Variants in NCKAP5 observed in about 807,000 individuals in gnomAD.
NCKAP5 encodes NCK associated protein 5, also known as nck-associated protein 5.
NCKAP5 carries 92 observed loss-of-function variants against 167.0 expected under a neutral mutation model. The observed-to-expected ratio is 0.55, with a 90% CI of 0.47 to 0.66. The LOEUF is 0.66. Among genes scored for constraint, NCKAP5 ranks in the 30% least tolerant of loss-of-function variants. The pLI, the probability that NCKAP5 is intolerant of heterozygous loss-of-function variation, is 0.00. For missense variants in NCKAP5, 2,378 were observed against 2,315.0 expected (o/e 1.03, Z -0.56); for synonymous variants, 891 against 877.4 (o/e 1.02, Z -0.27).
At chr2:133,341,549 T>A (rs570246690) in intron 3 of NCKAP5, among the ~76,000 whole-genome samples, 11 of 152,328 alleles carry the variant, frequency 7.2e-5, no homozygotes, top group Non-Finnish European at 1.5e-4. Context: ...GATATCAAGC[T>A]CAGTGAGTAC....
At chr2:133,423,771 A>C in intron 3 of NCKAP5, among the ~76,000 whole-genome samples, 1 of 152,252 alleles carries the variant, frequency 6.6e-6, no homozygotes, top group East Asian at 1.9e-4. Flanking sequence ...TAACTAGCAA[A>C]TACAACTAAC....
rs79241579 is a variant in NCKAP5 at position 132,847,793 on chromosome 2, G to A, written c.807+12699C>T. On this transcript the variant is annotated intron_variant, in intron 11 of 19. Transcript: ENST00000409261. ...GAAGCAAAATGAGCCAGATACAAAAGAGTATATCTTACATGATTTTGTTTA... is the reference window on the plus strand; with the variant it reads ...GAAGCAAAATGAGCCAGATACAAAAAAGTATATCTTACATGATTTTGTTTA... Among the ~76,000 whole-genome samples, 189 of 152,286 alleles carry A rather than the reference G, an allele frequency of 1.2e-3. 5 individuals are homozygous for A. In the East Asian group the frequency reaches 0.033, roughly 26 times the overall value.
chr2:133,127,839 C>A (rs535380792), intron 6 of NCKAP5, among the ~76,000 whole-genome samples: 2 of 152,058 alleles, frequency 1.3e-5, no homozygotes, highest in African/African-American at 4.8e-5. Context: ...AATGAAAAAT[C>A]GAGCATAAGG....
At chr2:133,099,951 C>T (rs1272606920) in intron 6 of NCKAP5, among the ~76,000 whole-genome samples, 4 of 152,176 alleles carry the variant, frequency 2.6e-5, no homozygotes, top group Non-Finnish European at 4.4e-5. Context: ...CAATGATCTA[C>T]GGCCCACTAG....
the NCKAP5 span, among the ~76,000 whole-genome samples, chr2:133,660,182 C>T: frequency 2.0e-5 from 3 of 152,188 alleles, no homozygotes; most frequent in African/African-American, 4.8e-5. Context: ...TGGTTCTTCC[C>T]TCCCTCGCCT....
chr2:132,711,943 T>C (rs1165084526), intron 19 of NCKAP5, among the ~76,000 whole-genome samples: 1 of 152,102 alleles, frequency 6.6e-6, no homozygotes, highest in Admixed American at 6.5e-5. Context: ...TAAGCAGAAA[T>C]AAAGAGGCAA....
intron 16 of NCKAP5, among the ~76,000 whole-genome samples, chr2:132,733,451 C>A (rs899931575): frequency 6.6e-6 from 1 of 152,148 alleles, no homozygotes; most frequent in Admixed American, 6.5e-5. Flanking sequence ...ATTGTTTCAA[C>A]CCCTGTGCAA....
At chr2:132,946,914 T>A (rs1239578335) in intron 8 of NCKAP5, among the ~76,000 whole-genome samples, 1 of 152,128 alleles carries the variant, frequency 6.6e-6, no homozygotes, top group Non-Finnish European at 1.5e-5. Context: ...AAAAAGTTTG[T>A]ATATGAAGCC....
intron 12 of NCKAP5, among the ~76,000 whole-genome samples, chr2:132,794,147 C>G (rs373475401): frequency 6.7e-6 from 1 of 148,546 alleles, no homozygotes; most frequent in East Asian, 2.0e-4. Flanking sequence ...ATTGTGAAGA[C>G]TGAACAGCCC....
At chr2:133,112,102 A>G (rs16856818) in intron 6 of NCKAP5, among the ~76,000 whole-genome samples, 26,394 of 152,146 alleles carry the variant, frequency 0.17, 2,709 homozygotes, top group East Asian at 0.51. Flanking sequence ...GAAACTTTAC[A>G]ATTGGAAAAA....
At chr2:133,036,308 T>C (rs2079039787) in intron 6 of NCKAP5, among the ~76,000 whole-genome samples, 1 of 151,928 alleles carries the variant, frequency 6.6e-6, no homozygotes, top group Non-Finnish European at 1.5e-5. Flanking sequence ...AGGGATTACT[T>C]CCAAACTCAT....
intron 6 of NCKAP5, among the ~76,000 whole-genome samples, chr2:133,089,318 TA>T (rs2081095878): frequency 6.6e-6 from 1 of 152,232 alleles, no homozygotes; most frequent in African/African-American, 2.4e-5. Flanking sequence ...GAAATATTTT[TA>T]AAACAAGCTT....
Position 133,047,042 on chromosome 2 carries a change from G to T in NCKAP5, c.342-52803C>A, listed in dbSNP as rs184006173. 4.6e-5 allele frequency among the ~76,000 whole-genome samples: 7 copies of T among 152,254 alleles called. No individual in the cohort carries two copies. The East Asian group carries it at 1.4e-3, about 29-fold the overall frequency. On this transcript the variant is annotated intron_variant, in intron 6 of 19. Transcript: ENST00000409261. ...GCCCTTGTTTCCTTCTTTGATCACAGAAACCCACTTAAAGAGCACTATTCC... is the reference window on the plus strand; with the variant it reads ...GCCCTTGTTTCCTTCTTTGATCACATAAACCCACTTAAAGAGCACTATTCC...
chr2:132,756,463 T>C (rs1217022320), intron 16 of NCKAP5, among the ~76,000 whole-genome samples: 1 of 152,044 alleles, frequency 6.6e-6, no homozygotes, highest in Admixed American at 6.6e-5. Flanking sequence ...AGATGAAGCA[T>C]TTTGACAGAA....
Position 133,087,930 on chromosome 2 carries a change from C to T in NCKAP5, c.341+42048G>A, listed in dbSNP as rs541419452. Among the ~76,000 whole-genome samples, 16 of 152,234 alleles carry T rather than the reference C, an allele frequency of 1.1e-4. 1 individual carries two copies. Among genetic ancestry groups the T allele is most frequent in the South Asian group, 8.3e-4 (4 of 4,812 alleles). ...AAAACAGGTATGATCTCCTTCTTTACGGAGCTGCCATTCTAGTGGGAGAGA... is the reference window on the plus strand; with the variant it reads ...AAAACAGGTATGATCTCCTTCTTTATGGAGCTGCCATTCTAGTGGGAGAGA... On this transcript the variant is annotated intron_variant, in intron 6 of 19. Coordinates refer to ENST00000409261, the MANE Select transcript of NCKAP5 (RefSeq NM_207363.3).
chr2:132,671,834 CAA>C lies in NCKAP5; in HGVS notation c.*1453_*1454del, dbSNP rs1312527129. The C allele has an allele frequency of 2.0e-5, 3 of 152,510 alleles. No homozygotes were observed. Among genetic ancestry groups the C allele is most frequent in the Admixed American group, 6.5e-5 (1 of 15,280 alleles). The allele number at this position is 152,510 out of a possible 1,614,324, so 9.4% of individuals were successfully genotyped here. ...ATATAACTTTTATTCAGAAAGGAAACAAAAAGATTTTTTAAAGTCTGAAAGAC... is the reference window on the plus strand; with the variant it reads ...ATATAACTTTTATTCAGAAAGGAAACAAAGATTTTTTAAAGTCTGAAAGAC... On this transcript the variant is annotated 3_prime_UTR_variant, in exon 20 of 20. Transcript: ENST00000409261.
intron 11 of NCKAP5, among the ~76,000 whole-genome samples, chr2:132,856,454 A>G (rs1689479818): frequency 6.6e-6 from 1 of 152,176 alleles, no homozygotes. Flanking sequence ...AAATTTTTGC[A>G]CCTTGGTTCT....
intron 4 of NCKAP5, among the ~76,000 whole-genome samples, chr2:133,268,204 C>A (rs1463100054): frequency 6.6e-6 from 1 of 152,176 alleles, no homozygotes; most frequent in Non-Finnish European, 1.5e-5. Flanking sequence ...TTATGCTATA[C>A]TTGAGAAATG....
the NCKAP5 span, among the ~76,000 whole-genome samples, chr2:133,633,376 G>A: frequency 6.6e-6 from 1 of 152,174 alleles, no homozygotes; most frequent in African/African-American, 2.4e-5. Context: ...CAACTGGGGT[G>A]GGCATGAGAG....
Sources: gnomAD v4.1 joint callset for allele counts (sites outside exome capture counted in the v4.1 genomes callset) on GRCh38, gnomAD v4.1.1 for gene constraint, MANE v1.5 for transcripts, NCBI Gene and HGNC (gene_info 2026-07-23, HGNC 2026-07-21) for gene names.